The following RAB2A variants were observed in gnomAD, a reference collection of about 807,000 sequenced individuals.
RAB2A encodes RAB2A, member RAS oncogene family.
Under a neutral mutation model 32.5 loss-of-function variants are expected in RAB2A, and 7 were observed. That is an observed-to-expected ratio of 0.22 (90% CI 0.12 to 0.40). RAB2A has a LOEUF of 0.40. Among genes scored for constraint, RAB2A ranks in the 10% least tolerant of loss-of-function variants. The pLI, the probability that RAB2A is intolerant of heterozygous loss-of-function variation, is 1.00. For missense variants in RAB2A, 108 were observed against 260.7 expected (o/e 0.41, Z 4.03); for synonymous variants, 79 against 85.2 (o/e 0.93, Z 0.40).
rs1563490119 is a variant in RAB2A, at chr8:60,622,005, C to CA, written c.*1236_*1237insA. The CA allele has an allele frequency of 6.6e-6, 1 of 151,132 alleles. No individual in the cohort carries two copies. The highest frequency in any genetic ancestry group is 1.5e-5 in the Non-Finnish European group (1 of 67,706). 9.4% of individuals were successfully genotyped at this position (151,132 alleles called of 1,614,324 possible). On this transcript the variant is annotated 3_prime_UTR_variant, in exon 8 of 8. Transcript: ENST00000262646. The stretch of plus-strand genomic sequence containing the variant: ...ATAAAATCCTATGTATAAAAGTGTT[C>CA]TTTTTTTTTATTATGACCACCTCTT...
intron 1 of RAB2A, among the ~76,000 whole-genome samples, chr8:60,547,245 GA>G (rs1157364966): frequency 6.6e-6 from 1 of 152,182 alleles, no homozygotes; most frequent in Non-Finnish European, 1.5e-5. Context: ...TCCCAAGGCA[GA>G]AGAATTTTTC....
chr8:60,547,653 G>A (rs1807758893), intron 1 of RAB2A, among the ~76,000 whole-genome samples: 1 of 122,602 alleles, frequency 8.2e-6, no homozygotes. Context: ...CAGGCGGGGG[G>A]CTGACCCCCC....
intron 3 of RAB2A, among the ~76,000 whole-genome samples, chr8:60,577,792 ATTTTTT>A (rs3055112): frequency 1.8e-4 from 20 of 112,942 alleles, no homozygotes; most frequent in African/African-American, 3.7e-4. Flanking sequence ...CGCCCGGCTA[ATTTTTT>A]TTTTTTTTTT....
chr8:60,558,638 G>A (rs1446808351), intron 1 of RAB2A: 6 of 586,458 alleles, frequency 1.0e-5, no homozygotes, highest in Non-Finnish European at 1.8e-5. Context: ...TATTAAATGT[G>A]TAAGAAAGGG....
chr8:60,566,732 A>G (rs571440549), intron 2 of RAB2A, among the ~76,000 whole-genome samples: 1 of 152,288 alleles, frequency 6.6e-6, no homozygotes, highest in Admixed American at 6.5e-5. Flanking sequence ...GGTTCTCAAT[A>G]GGTAACTTTT....
intron 6 of RAB2A, among the ~76,000 whole-genome samples, chr8:60,617,214 T>C (rs1393263413): frequency 1.3e-5 from 2 of 152,198 alleles, no homozygotes; most frequent in East Asian, 3.8e-4. Context: ...ACATAGAGAA[T>C]GCTTGTGTAT....
chr8:60,561,686 G>A (rs1020259228), intron 2 of RAB2A, among the ~76,000 whole-genome samples: 1 of 152,158 alleles, frequency 6.6e-6, no homozygotes, highest in Non-Finnish European at 1.5e-5. Flanking sequence ...GTTTCCTAGG[G>A]ACGAGAGTTC....
chr8:60,596,463 A>G (rs900313198), intron 6 of RAB2A, among the ~76,000 whole-genome samples: 1 of 152,166 alleles, frequency 6.6e-6, no homozygotes, highest in Non-Finnish European at 1.5e-5. Flanking sequence ...GAAAAAAACA[A>G]CCCCATCAAA....
intron 5 of RAB2A, among the ~76,000 whole-genome samples, chr8:60,588,484 G>C (rs929959332): frequency 6.6e-6 from 1 of 152,126 alleles, no homozygotes; most frequent in African/African-American, 2.4e-5. Flanking sequence ...CATTACAACA[G>C]ACTACAACTC....
chr8:60,597,787 A>G (rs552313830), intron 6 of RAB2A, among the ~76,000 whole-genome samples: 1 of 152,364 alleles, frequency 6.6e-6, no homozygotes, highest in South Asian at 2.1e-4. Context: ...TAAAATTGGC[A>G]GACCTCTAGC....
At chr8:60,525,662 G>A (rs1451625818) in intron 1 of RAB2A, among the ~76,000 whole-genome samples, 1 of 152,052 alleles carries the variant, frequency 6.6e-6, no homozygotes, top group Admixed American at 6.5e-5. Flanking sequence ...TTCAGGTATA[G>A]CTGAGAGTCA....
intron 6 of RAB2A, among the ~76,000 whole-genome samples, chr8:60,602,943 A>G (rs1237336009): frequency 3.3e-5 from 5 of 152,202 alleles, no homozygotes; most frequent in Non-Finnish European, 5.9e-5. Flanking sequence ...GGGCTCAGAC[A>G]GGATCTATCC....
intron 2 of RAB2A, among the ~76,000 whole-genome samples, chr8:60,566,802 A>G (rs1042435930): frequency 3.3e-5 from 5 of 152,010 alleles, no homozygotes; most frequent in South Asian, 2.1e-4. Context: ...TGTTATTTCC[A>G]TCTTTATGTC....
At chr8:60,587,179 G>A (rs1392507853) in intron 5 of RAB2A, among the ~76,000 whole-genome samples, 1 of 152,096 alleles carries the variant, frequency 6.6e-6, no homozygotes. Context: ...TAGATCAGTA[G>A]AGCCGAATAA....
Position 60,584,779 on chromosome 8 carries a change from A to G in RAB2A, c.326A>G (p.Asn109Ser), listed in dbSNP as rs752329627. 2.2e-5 allele frequency: 36 copies of G among 1,613,708 alleles called. No homozygotes were observed. Among genetic ancestry groups the G allele is most frequent in the Middle Eastern group, 1.7e-4 (1 of 6,054 alleles). Residue 109 changes from asparagine (N) to serine (S), a missense_variant, in exon 5 of 8, where the codon AAT becomes AGT. Asn to Ser is a conservative substitution (Grantham distance 46). Around this residue, in one of 4 missense-constraint regions of RAB2A, gnomAD observed 79 missense variants for 199.8 expected, o/e 0.40. Coordinates refer to ENST00000262646, the MANE Select transcript of RAB2A (RefSeq NM_002865.3). ...TWLEDARQHS[N>S]SNMVIMLIGN... ...TTAGAAGATGCCCGCCAGCATTCCAATTCCAACATGGTCATTATGCTTATT... is the reference window on the plus strand; with the variant it reads ...TTAGAAGATGCCCGCCAGCATTCCAGTTCCAACATGGTCATTATGCTTATT...
chr8:60,549,413 G>A (rs529377120), intron 1 of RAB2A, among the ~76,000 whole-genome samples: 22 of 152,116 alleles, frequency 1.4e-4, no homozygotes, highest in Middle Eastern at 3.5e-3. Flanking sequence ...CGAGGCTGGC[G>A]GATCACTCGC....
intron 2 of RAB2A, among the ~76,000 whole-genome samples, chr8:60,564,417 C>G (rs567961396): frequency 5.3e-5 from 8 of 152,266 alleles, no homozygotes; most frequent in African/African-American, 1.9e-4. Context: ...TTTAATGTCT[C>G]TATTTTCTTT....
At chr8:60,565,638 G>A (rs1406530425) in intron 2 of RAB2A, among the ~76,000 whole-genome samples, 9 of 136,694 alleles carry the variant, frequency 6.6e-5, no homozygotes, top group Non-Finnish European at 1.2e-4. Context: ...AAGACCTCTC[G>A]AACTTCTCAT....
chr8:60,601,884 C>T (rs1804139943), intron 6 of RAB2A, among the ~76,000 whole-genome samples: 1 of 152,048 alleles, frequency 6.6e-6, no homozygotes, highest in Non-Finnish European at 1.5e-5. Context: ...TGGTGTTAAG[C>T]CTCATTTTAT....
Sources: allele counts gnomAD v4.1 joint callset (sites outside exome capture counted in the v4.1 genomes callset), GRCh38; gene constraint gnomAD v4.1.1; regional missense constraint gnomAD v4.1.1; transcripts MANE v1.5; gene names NCBI Gene and HGNC (gene_info 2026-07-23, HGNC 2026-07-21).